The following PFKFB3 variants were observed in gnomAD, a reference collection of about 807,000 sequenced individuals.
The protein encoded by PFKFB3 is 6-phosphofructo-2-kinase/fructose-2,6-bisphosphatase 3.
PFKFB3 carries 33 observed loss-of-function variants against 68.0 expected under a neutral mutation model. That is an observed-to-expected ratio of 0.49 (90% confidence interval 0.37 to 0.65). The LOEUF (loss-of-function observed/expected upper bound fraction) is 0.65. Ranked by LOEUF, PFKFB3 falls within the 30% of genes least tolerant of loss-of-function variation. The pLI, the probability that PFKFB3 is intolerant of heterozygous loss-of-function variation, is 0.00. For missense variants in PFKFB3, 586 were observed against 712.2 expected, an observed-to-expected ratio of 0.82 and a Z score of 2.02; for synonymous variants, 315 against 288.2, an observed-to-expected ratio of 1.09 and a Z score of -0.94.
At chr10:6,202,828 T>G, upstream of PFKFB3, 1 of 954,952 alleles carries the variant, frequency 1.0e-6, no homozygotes, top group Non-Finnish European at 1.3e-6. Context: ...CCTCCCCACG[T>G]GGAAGGGGGC....
the PFKFB3 span, among the ~76,000 whole-genome samples, chr10:6,304,229 T>G: frequency 6.6e-6 from 1 of 152,148 alleles, no homozygotes; most frequent in East Asian, 1.9e-4. Context: ...CTCCCTTTTA[T>G]TTTCTCTGGA....
intron 14 of PFKFB3, among the ~76,000 whole-genome samples, chr10:6,227,400 C>G (rs550150126): frequency 4.3e-4 from 65 of 152,324 alleles, no homozygotes; most frequent in African/African-American, 1.5e-3. Flanking sequence ...TGGCTCTGAG[C>G]ATCCTTTTCA....
chr10:6,167,271 G>A (rs1842172453), intron 1 of PFKFB3, among the ~76,000 whole-genome samples: 1 of 152,244 alleles, frequency 6.6e-6, no homozygotes, highest in Admixed American at 6.5e-5. Flanking sequence ...GGTGGTACCA[G>A]GTACAGTCCT....
At chr10:6,263,060 G>A in the PFKFB3 span, among the ~76,000 whole-genome samples, 5 of 152,220 alleles carry the variant, frequency 3.3e-5, no homozygotes, top group Non-Finnish European at 7.3e-5. Context: ...TGAAGTTGAA[G>A]TGGGAAATTA....
the PFKFB3 span, among the ~76,000 whole-genome samples, chr10:6,310,348 A>C: frequency 6.6e-6 from 1 of 152,144 alleles, no homozygotes; most frequent in African/African-American, 2.4e-5. Flanking sequence ...TTTACAAGGC[A>C]GGTTTTATCT....
chr10:6,259,218 T>TCCAC (rs1220442769), downstream of PFKFB3, among the ~76,000 whole-genome samples: 4 of 146,374 alleles, frequency 2.7e-5, no homozygotes, highest in African/African-American at 7.7e-5. Context: ...CATCCATCCA[T>TCCAC]CCACCCATCC....
the PFKFB3 span, among the ~76,000 whole-genome samples, chr10:6,271,337 G>A: frequency 2.0e-5 from 3 of 152,340 alleles, no homozygotes; most frequent in East Asian, 5.8e-4. Context: ...ATGCCTGGGA[G>A]GCCCAGGCTA....
At chr10:6,222,205 G>GC (rs1209439762) in intron 10 of PFKFB3, among the ~76,000 whole-genome samples, 1 of 152,170 alleles carries the variant, frequency 6.6e-6, no homozygotes, top group Non-Finnish European at 1.5e-5. Context: ...GCCCCTGCAG[G>GC]CCCACTGTCC....
chr10:6,156,131 G>GTGTGTA (rs1554840066), intron 1 of PFKFB3, among the ~76,000 whole-genome samples: 7,524 of 69,256 alleles, frequency 0.11, 218 homozygotes, highest in Middle Eastern at 0.21. Context: ...ACATATATAT[G>GTGTGTA]TGTGTGTGTG....
At chr10:6,275,735 C>T in the PFKFB3 span, among the ~76,000 whole-genome samples, 1 of 152,192 alleles carries the variant, frequency 6.6e-6, no homozygotes, top group African/African-American at 2.4e-5. The surrounding 1 kb of genome is among the most constrained non-coding windows in gnomAD (Gnocchi z 4.9). Context: ...CTGCCTCAGC[C>T]TCCTGAGTAG....
chr10:6,146,226 CTCA>C, intron 1 of PFKFB3: 1 of 1,439,190 alleles, frequency 6.9e-7, no homozygotes. Context: ...CCTCTCTTCT[CTCA>C]TAACTCAGAG....
At chr10:6,150,369 C>T (rs117679330) in intron 1 of PFKFB3, among the ~76,000 whole-genome samples, 1,859 of 152,262 alleles carry the variant, frequency 0.012, 19 homozygotes, top group Non-Finnish European at 0.02. Flanking sequence ...GCCTGTAACC[C>T]AGCACGTTGG....
the PFKFB3 span, among the ~76,000 whole-genome samples, chr10:6,323,457 G>T: frequency 6.6e-6 from 1 of 152,218 alleles, no homozygotes; most frequent in Non-Finnish European, 1.5e-5. Context: ...TCCTTTGAAA[G>T]TAGGGTTCTC....
At chr10:6,284,624 G>A in the PFKFB3 span, among the ~76,000 whole-genome samples, 2 of 152,114 alleles carry the variant, frequency 1.3e-5, no homozygotes, top group African/African-American at 4.8e-5. Flanking sequence ...CTATTTTAAT[G>A]TGTACAGTTT....
the PFKFB3 span, among the ~76,000 whole-genome samples, chr10:6,318,184 C>T: frequency 6.6e-6 from 1 of 152,164 alleles, no homozygotes; most frequent in Admixed American, 6.5e-5. Context: ...GTGCAGGGCT[C>T]CTCCTGTGGG....
chr10:6,263,530 G>A, the PFKFB3 span, among the ~76,000 whole-genome samples: 6 of 152,276 alleles, frequency 3.9e-5, no homozygotes, highest in Admixed American at 1.3e-4. Context: ...TCTCTACTTC[G>A]CTCCTCCTGA....
chr10:6,203,308 C>G lies in PFKFB3; in HGVS notation c.48C>G (p.Pro16=). 1 of 1,610,378 alleles carries G rather than the reference C, an allele frequency of 6.2e-7. No homozygotes were observed. Among genetic ancestry groups the G allele is most frequent in the East Asian group, 2.2e-5 (1 of 44,686 alleles). The change falls in exon 1 of 15, where the codon CCC becomes CCG. Residue 16 remains proline (P), a synonymous_variant. Transcript: ENST00000379775. ...GCCGAGTGCAGAAGATCTGGGTGCC[C>G]GTGGACCACAGGCCCTCGTTGCCCA... ...TQSRVQKIWV[P]VDHRPSLPRS... is the part of the protein sequence containing the mutation.
chr10:6,167,051 C>G (rs1208638505), intron 1 of PFKFB3, among the ~76,000 whole-genome samples: 3 of 152,184 alleles, frequency 2.0e-5, no homozygotes, highest in Non-Finnish European at 2.9e-5. Context: ...AACTCCCCAT[C>G]TCAGGTGATG....
intron 1 of PFKFB3, among the ~76,000 whole-genome samples, chr10:6,155,369 A>AT (rs370160231): frequency 6.6e-5 from 10 of 151,064 alleles, no homozygotes; most frequent in Admixed American, 1.3e-4. Flanking sequence ...CGCCCGGCTA[A>AT]TTTTTTTTGT....
Sources: gnomAD v4.1 joint callset for allele counts (sites outside exome capture counted in the v4.1 genomes callset) on GRCh38, gnomAD v4.1.1 for gene constraint, Gnocchi (gnomAD v3.1) non-coding constraint, MANE v1.5 for transcripts, NCBI Gene and HGNC (gene_info 2026-07-23, HGNC 2026-07-21) for gene names.